The following CAPN3 variants were observed in gnomAD, a reference collection of about 807,000 sequenced individuals.
CAPN3 encodes calpain-3.
In CAPN3, 88 loss-of-function variants were observed where a neutral mutation model predicts 114.0. The ratio of observed to expected loss-of-function variants is 0.77; its 90% CI spans 0.65 to 0.92. CAPN3 has a LOEUF of 0.92. CAPN3 is among the 40% of genes least tolerant of loss of function. The pLI is 0.00. For missense variants in CAPN3, 1,028 were observed against 1,069.0 expected, an observed-to-expected ratio of 0.96 and a Z score of 0.53; for synonymous variants, 386 against 382.9, an observed-to-expected ratio of 1.01 and a Z score of -0.09.
intron 6 of CAPN3, among the ~76,000 whole-genome samples, chr15:42,392,113 C>T (rs2053570903): frequency 6.6e-6 from 1 of 151,988 alleles, no homozygotes; most frequent in Admixed American, 6.6e-5. Flanking sequence ...TGCAGTGAGC[C>T]GAGATCGCGC....
At chr15:42,403,904 G>A (rs1334514786) in intron 14 of CAPN3, 127 bp downstream of exon 14, 1 of 886,854 alleles carries the variant, frequency 1.1e-6, no homozygotes, top group Non-Finnish European at 1.9e-6. Flanking sequence ...GTGCTGAGCA[G>A]TCCCTCCTTG....
At chr15:42,403,667 C>T (rs2053939831) in intron 13 of CAPN3, 74 bp from the exon 14 acceptor site, 20 of 1,410,530 alleles carry the variant, frequency 1.4e-5, no homozygotes, top group Non-Finnish European at 2.0e-5. Flanking sequence ...AGCCGTGCAC[C>T]AGAGCAAACC....
At chr15:42,385,743 C>G (rs368568027) in intron 2 of CAPN3, 1 of 522,310 alleles carries the variant, frequency 1.9e-6, no homozygotes, top group Non-Finnish European at 3.8e-6. Context: ...GTGGATGGTT[C>G]TCTGAGGCTC....
intron 14 of CAPN3, chr15:42,404,933 G>A: frequency 1.0e-6 from 1 of 999,664 alleles, no homozygotes; most frequent in Non-Finnish European, 1.2e-6. Context: ...AAACCCAAAA[G>A]CTTATGGGAG....
intron 5 of CAPN3, 24 bp from the exon 6 acceptor site, chr15:42,389,929 C>T (rs2053509228): frequency 1.9e-6 from 3 of 1,613,676 alleles, no homozygotes; most frequent in East Asian, 2.2e-5. Flanking sequence ...TGTGTTGTTC[C>T]CTACATTCTC....
chr15:42,396,714 T>C, intron 8 of CAPN3, 86 bp from the exon 9 acceptor site: 2 of 1,052,716 alleles, frequency 1.9e-6, no homozygotes, highest in Non-Finnish European at 3.0e-6. Flanking sequence ...GCTGCAACTC[T>C]TTGTATTTCT....
At chr15:42,369,433 T>C (rs894914203) in intron 1 of CAPN3, among the ~76,000 whole-genome samples, 3 of 151,914 alleles carry the variant, frequency 2.0e-5, no homozygotes, top group Non-Finnish European at 2.9e-5. Flanking sequence ...GCTACGGAGG[T>C]TGGGGCTGCA....
At chr15:42,410,770 AG>A (rs1444992039) in intron 21 of CAPN3, 104 bp downstream of exon 21, 1 of 1,358,366 alleles carries the variant, frequency 7.4e-7, no homozygotes, top group East Asian at 2.3e-5. Flanking sequence ...GGAGAGGGAA[AG>A]GGCTTCTCAC....
At position 42,403,777 on chromosome 15, in the gene CAPN3, G is replaced by A; in HGVS notation, c.1782G>A (p.Val594=). 2 of 1,613,954 alleles carry A rather than the reference G, an allele frequency of 1.2e-6. No homozygotes were observed. The highest frequency in any genetic ancestry group is 1.7e-6 in the Non-Finnish European group (2 of 1,179,864). ...VENTISVDRP[V]KKKKTKPIIF... is the part of the protein sequence containing the mutation. ...ATACCATCTCCGTGGATCGGCCAGT[G>A]GTGAGTGGTTTAGATCTTCTGTGCG... Residue 594 remains valine (V), a splice_region_variant and synonymous_variant, in exon 14 of 24, where the codon GTG becomes GTA. Transcript: ENST00000397163.
chr15:42,402,314 G>T lies in CAPN3; in HGVS notation c.1536+179G>T. On this transcript the variant is annotated intron_variant, in intron 12 of 23. Coordinates refer to ENST00000397163, the MANE Select transcript of CAPN3 (RefSeq NM_000070.3). ...TGCCTCAGGGCATTGCATGACCCATGACTACCACCCCCAGGATGTGCACTT... is the reference window on the plus strand; with the variant it reads ...TGCCTCAGGGCATTGCATGACCCATTACTACCACCCCCAGGATGTGCACTT... 3 of 1,543,838 alleles carry T rather than the reference G, an allele frequency of 1.9e-6. No homozygotes were observed. In the South Asian group the frequency reaches 3.6e-5, roughly 18 times the overall value.
intron 22 of CAPN3, 126 bp from the exon 23 acceptor site, chr15:42,411,159 ATT>A (rs1220589418): frequency 9.8e-7 from 1 of 1,019,248 alleles, no homozygotes; most frequent in Non-Finnish European, 1.6e-6. Context: ...GTTACTGGTG[ATT>A]CTCTGCCTGC....
intron 8 of CAPN3, 55 bp from the exon 9 acceptor site, chr15:42,396,745 C>G: frequency 2.2e-6 from 3 of 1,378,102 alleles, no homozygotes; most frequent in South Asian, 1.2e-5. Context: ...CTGTCCCAAC[C>G]TACATCAGGC....
Position 42,393,123 on chromosome 15 carries a change from C to A in CAPN3, c.1029+401C>A, listed in dbSNP as rs1170058632. ...GAAGCCCCAACAGTAACAAAATCTG[C>A]AGATGCTCAAGTCCCTTCTGTAAAA... On this transcript the variant is annotated intron_variant, in intron 7 of 23. Coordinates refer to ENST00000397163, the MANE Select transcript of CAPN3 (RefSeq NM_000070.3). 2.6e-5 allele frequency among the ~76,000 whole-genome samples: 4 copies of A among 152,292 alleles called. 1 individual carries two copies. In the South Asian group the frequency reaches 8.3e-4, roughly 32 times the overall value.
intron 14 of CAPN3, among the ~76,000 whole-genome samples, chr15:42,405,438 G>C (rs2053990702): frequency 6.6e-6 from 1 of 152,108 alleles, no homozygotes; most frequent in South Asian, 2.1e-4. Context: ...AGCCTCCTGA[G>C]TAGCTGAGAT....
chr15:42,382,105 A>G (rs923635015), intron 1 of CAPN3, among the ~76,000 whole-genome samples: 1 of 152,160 alleles, frequency 6.6e-6, no homozygotes, highest in African/African-American at 2.4e-5. Context: ...ATACTGCTCC[A>G]ATTTCTTCTG....
intron 1 of CAPN3, among the ~76,000 whole-genome samples, chr15:42,364,685 C>A (rs1472104485): frequency 6.6e-6 from 1 of 152,128 alleles, no homozygotes; most frequent in Non-Finnish European, 1.5e-5. Context: ...ATCATAGAGC[C>A]AGGAAGGAGA....
chr15:42,386,457 C>A (rs1342753399), intron 3 of CAPN3, among the ~76,000 whole-genome samples, 172 bp downstream of exon 3: 2 of 152,208 alleles, frequency 1.3e-5, no homozygotes, highest in Non-Finnish European at 2.9e-5. Flanking sequence ...AGTTGCTTAT[C>A]TCTGGCTCCC....
At chr15:42,384,304 C>T (rs1486332410) in intron 1 of CAPN3, among the ~76,000 whole-genome samples, 179 bp from the exon 2 acceptor site, 4 of 152,060 alleles carry the variant, frequency 2.6e-5, no homozygotes, top group African/African-American at 7.2e-5. Context: ...CCCAGCTACT[C>T]GAGAGGCTGA....
chr15:42,364,391 T>C (rs887723061), intron 1 of CAPN3, among the ~76,000 whole-genome samples: 1 of 152,250 alleles, frequency 6.6e-6, no homozygotes, highest in Non-Finnish European at 1.5e-5. Context: ...TCAGTAAACA[T>C]AGACTACTCT....
Sources: gnomAD v4.1 joint callset for allele counts (sites outside exome capture counted in the v4.1 genomes callset) on GRCh38, gnomAD v4.1.1 for gene constraint, MANE v1.5 for transcripts, NCBI Gene and HGNC (gene_info 2026-07-23, HGNC 2026-07-21) for gene names.